B4GALT7: variants seen among roughly 807,000 people sequenced by gnomAD.
B4GALT7 encodes UDP-Gal:beta-GlcNAc beta-1,4-galactosyltransferase 7.
Under a neutral mutation model 33.0 loss-of-function variants are expected in B4GALT7, and 30 were observed. That is an observed-to-expected ratio of 0.91 (90% CI 0.68 to 1.23). The LOEUF (loss-of-function observed/expected upper bound fraction) is 1.23. B4GALT7 is among the 50% of genes most tolerant of loss of function. B4GALT7 has a pLI of 0.00. For missense variants in B4GALT7, 507 were observed against 450.8 expected (o/e 1.12, Z -1.13); for synonymous variants, 213 against 187.2 (o/e 1.14, Z -1.13).
rs552591152 is a variant in B4GALT7 at position 177,602,977 on chromosome 5, G to C, written c.51-1202G>C. Reference sequence around the variant, plus strand: ...AGCTCACTGCAACCTCCGCCTCCCAGATTCAAGCTATGCTTCTGCCTCAGC... The same window carrying C: ...AGCTCACTGCAACCTCCGCCTCCCACATTCAAGCTATGCTTCTGCCTCAGC... On this transcript the variant is annotated intron_variant, in intron 1 of 5. Coordinates refer to ENST00000029410, the MANE Select transcript of B4GALT7 (RefSeq NM_007255.3). The C allele has an allele frequency of 3.3e-5, 16 of 480,922 alleles. No homozygotes were observed. The South Asian group carries it at 1.4e-3, about 41-fold the overall frequency. 29.8% of individuals were successfully genotyped at this position (480,922 alleles called of 1,614,324 possible). A position where few individuals can be genotyped will look rare whatever the true frequency, so the allele number is the denominator to read the frequency against.
intron 1 of B4GALT7, chr5:177,601,530 G>A (rs1180763646): frequency 1.3e-5 from 2 of 152,264 alleles, no homozygotes; most frequent in Non-Finnish European, 2.9e-5. Flanking sequence ...TCTATTTCCT[G>A]ATCCTTTTCC....
chr5:177,604,552 C>G lies in B4GALT7; in HGVS notation c.413+11C>G. 3.1e-6 allele frequency: 5 copies of G among 1,613,544 alleles called. No homozygotes were observed. The highest frequency in any genetic ancestry group is 4.2e-6 in the Non-Finnish European group (5 of 1,179,914). The stretch of plus-strand genomic sequence containing the variant: ...GGTGGACCACTTCAGGTAGCGCCCG[C>G]CCCCACCCTCTCCCCTCGGCACCCC... On this transcript the variant is annotated intron_variant, in intron 2 of 5. Coordinates refer to ENST00000029410, the MANE Select transcript of B4GALT7 (RefSeq NM_007255.3).
chr5:177,605,135 C>A (rs577966761), intron 2 of B4GALT7: 21 of 415,410 alleles, frequency 5.1e-5, no homozygotes, highest in African/African-American at 2.7e-4. Context: ...CAGACCCCCC[C>A]CTTTTCCCTG....
Position 177,608,889 on chromosome 5 carries a change from G to A in B4GALT7, c.724-21G>A, listed in dbSNP as rs527746954. On this transcript the variant is annotated intron_variant, in intron 4 of 5. Coordinates refer to ENST00000029410, the MANE Select transcript of B4GALT7 (RefSeq NM_007255.3). This position sits in a 1 kb window ranked among gnomAD's most constrained non-coding sequence, Gnocchi z 4.1. ...GCTCCAGGAAGGGCAGCCTGACCCC[G>A]ACTTCCTTGGACCTCCCTAGCTTTT... The A allele has an allele frequency of 2.5e-6, 4 of 1,605,888 alleles. No individual in the cohort carries two copies. The highest frequency in any genetic ancestry group is 2.2e-5 in the East Asian group (1 of 44,836).
chr5:177,605,107 C>T (rs1449115171), intron 2 of B4GALT7: 1 of 448,396 alleles, frequency 2.2e-6, no homozygotes, highest in Non-Finnish European at 4.5e-6. Context: ...CTTTTCAAGT[C>T]CCCTTGATCC....
At position 177,600,196 on chromosome 5, in the gene B4GALT7, C is replaced by A; in HGVS notation, c.-15C>A. The A allele has an allele frequency of 7.3e-7, 1 of 1,361,934 alleles. No individual in the cohort carries two copies. The highest frequency in any genetic ancestry group is 9.5e-7 in the Non-Finnish European group (1 of 1,051,022). 84.4% of individuals were successfully genotyped at this position (1,361,934 alleles called of 1,614,324 possible). A position where few individuals can be genotyped will look rare whatever the true frequency, so the allele number is the denominator to read the frequency against. ...CTGCGAGCGCCTGCCCCATGCGCCG[C>A]CGCCTCTCCGCACGATGTTCCCCTC... On this transcript the variant is annotated 5_prime_UTR_variant, in exon 1 of 6. Transcript: ENST00000029410. This position sits in a 1 kb window ranked among gnomAD's most constrained non-coding sequence, Gnocchi z 4.4.
Position 177,608,506 on chromosome 5 carries a change from T to C in B4GALT7, c.640-33T>C. The C allele has an allele frequency of 6.4e-7, 1 of 1,574,552 alleles. No homozygotes were observed. Among genetic ancestry groups the C allele is most frequent in the Non-Finnish European group, 8.7e-7 (1 of 1,148,174 alleles). ...CCAAAGGCCCCCCCCCCCGGGAAGA[T>C]GGGCCGAGTGACGCTGCTTGTCTCT... On this transcript the variant is annotated intron_variant, in intron 3 of 5. Transcript: ENST00000029410. The surrounding 1 kb of genome is among the most constrained non-coding windows in gnomAD (Gnocchi z 4.1).
At position 177,609,940 on chromosome 5, in the gene B4GALT7, A is replaced by AC. The variant is rs950760656; in HGVS notation, c.*252dup. ...GAGGCTGGGGTGTGTCCTGTCCGGG[A>AC]CCCCCCCTGCCTTCCTGCTCACCCT... is the stretch of plus-strand genomic sequence containing the variant. On this transcript the variant is annotated 3_prime_UTR_variant, in exon 6 of 6. Transcript: ENST00000029410. 2.4e-4 allele frequency: 137 copies of AC among 565,952 alleles called. No homozygotes were observed. The highest frequency in any genetic ancestry group is 1.9e-3 in the African/African-American group (102 of 53,028). The allele number at this position is 565,952 out of a possible 1,614,324, so 35.1% of individuals were successfully genotyped here.
chr5:177,606,950 TC>T lies in B4GALT7; in HGVS notation c.414-350del, dbSNP rs2127512996. The stretch of plus-strand genomic sequence containing the variant: ...GGCCCCACCGAGGACAAGAGCCACC[TC>T]CACCCCCAGCAAGATCGCCCTCCTT... On this transcript the variant is annotated intron_variant, in intron 2 of 5. Transcript: ENST00000029410. This position sits in a 1 kb window ranked among gnomAD's most constrained non-coding sequence, Gnocchi z 4.2. The T allele has an allele frequency of 2.6e-6, 1 of 385,842 alleles. No homozygotes were observed. Among genetic ancestry groups the T allele is most frequent in the Non-Finnish European group, 5.0e-6 (1 of 200,248 alleles). 23.9% of individuals were successfully genotyped at this position (385,842 alleles called of 1,614,324 possible).
intron 2 of B4GALT7, chr5:177,604,974 C>G (rs918037477): frequency 2.0e-5 from 9 of 456,810 alleles, no homozygotes; most frequent in Admixed American, 1.4e-4. Context: ...CCTGCCCTTA[C>G]CAAAAAGTGC....
rs147839986 is a variant in B4GALT7 at position 177,606,626 on chromosome 5, G to A, written c.414-676G>A. On this transcript the variant is annotated intron_variant, in intron 2 of 5. Transcript: ENST00000029410. The surrounding 1 kb of genome is among the most constrained non-coding windows in gnomAD (Gnocchi z 4.2). The stretch of plus-strand genomic sequence containing the variant: ...TCTCTTCCAGCACAACAGCTAGGGC[G>A]GTCCTGTCCAGGCATAAGTCACAGC... The A allele has an allele frequency of 1.3e-3, 210 of 158,128 alleles. 2 individuals carry two copies. The highest frequency in any genetic ancestry group is 4.5e-3 in the African/African-American group (186 of 41,586). The allele number at this position is 158,128 out of a possible 1,614,324, so 9.8% of individuals were successfully genotyped here. A position where few individuals can be genotyped will look rare whatever the true frequency, so the allele number is the denominator to read the frequency against.
At chr5:177,602,926 A>C (rs1561813440) in intron 1 of B4GALT7, 1 of 818,858 alleles carries the variant, frequency 1.2e-6, no homozygotes, top group Non-Finnish European at 1.5e-6. Context: ...TCTGTTGCCC[A>C]GGCTGGAGTG....
chr5:177,603,023 T>C (rs1767884358), intron 1 of B4GALT7: 1 of 332,316 alleles, frequency 3.0e-6, no homozygotes, highest in South Asian at 1.2e-4. Context: ...GCTGGGACTA[T>C]AGGCGCGTAC....
At chr5:177,604,994 T>C in intron 2 of B4GALT7, 1 of 456,342 alleles carries the variant, frequency 2.2e-6, no homozygotes. Flanking sequence ...CTCCCTTCCA[T>C]GACCACAGCC....
chr5:177,608,379 G>A lies in B4GALT7; in HGVS notation c.640-160G>A, dbSNP rs764607298. The A allele has an allele frequency of 2.3e-5, 15 of 642,308 alleles. No homozygotes were observed. The South Asian group carries it at 2.4e-4, about 10-fold the overall frequency. The allele number at this position is 642,308 out of a possible 1,614,324, so 39.8% of individuals were successfully genotyped here. A position where few individuals can be genotyped will look rare whatever the true frequency, so the allele number is the denominator to read the frequency against. On this transcript the variant is annotated intron_variant, in intron 3 of 5. Transcript: ENST00000029410. The surrounding 1 kb of genome is among the most constrained non-coding windows in gnomAD (Gnocchi z 4.1). ...GAGAACGGGAGAGGGCCCGGGACGC[G>A]CTGCTTCCTGCCGCCCGCACTGCAG...
Position 177,608,432 on chromosome 5 carries a change from G to A in B4GALT7, c.640-107G>A. On this transcript the variant is annotated intron_variant, in intron 3 of 5. Coordinates refer to ENST00000029410, the MANE Select transcript of B4GALT7 (RefSeq NM_007255.3). The surrounding 1 kb of genome is among the most constrained non-coding windows in gnomAD (Gnocchi z 4.1). ...GTGCAGGAGCCTGCAAGCACCCGGG[G>A]CTTATTCAGAGGCGCTGGGGGAGAG... The A allele has an allele frequency of 9.9e-7, 1 of 1,008,944 alleles. No individual in the cohort carries two copies. Among genetic ancestry groups the A allele is most frequent in the Non-Finnish European group, 1.6e-6 (1 of 644,158 alleles). 62.5% of individuals were successfully genotyped at this position (1,008,944 alleles called of 1,614,324 possible).
chr5:177,605,367 T>C, intron 2 of B4GALT7: 1 of 255,410 alleles, frequency 3.9e-6, no homozygotes, highest in South Asian at 4.2e-5. Flanking sequence ...CCCATGCCGA[T>C]GATGCCCCTG....
At position 177,605,128 on chromosome 5, in the gene B4GALT7, AC is replaced by A. The variant is rs562399785; in HGVS notation, c.413+595del. On this transcript the variant is annotated intron_variant, in intron 2 of 5. Transcript: ENST00000029410. ...AAGTCCCCTTGATCCAGATCCCCAG[AC>A]CCCCCCCTTTTCCCTGCCACCCTTC... The A allele has an allele frequency of 3.7e-4, 146 of 389,614 alleles. 1 individual carries two copies. Among genetic ancestry groups the A allele is most frequent in the South Asian group, 1.1e-3 (62 of 54,424 alleles). The allele number at this position is 389,614 out of a possible 1,614,324, so 24.1% of individuals were successfully genotyped here.
Position 177,600,236 on chromosome 5 carries a change from C to A in B4GALT7, c.26C>A (p.Ala9Glu). 1.4e-6 allele frequency: 2 copies of A among 1,396,196 alleles called. No homozygotes were observed. Among genetic ancestry groups the A allele is most frequent in the Admixed American group, 2.6e-5 (1 of 38,320 alleles). The allele number at this position is 1,396,196 out of a possible 1,614,324, so 86.5% of individuals were successfully genotyped here. A position where few individuals can be genotyped will look rare whatever the true frequency, so the allele number is the denominator to read the frequency against. ...ATGTTCCCCTCGCGGAGGAAAGCGG[C>A]GCAGCTGCCCTGGGAGGACGGCAGG... MFPSRRKAAQLPWEDGRSG... is the reference protein window; with the variant it reads MFPSRRKAEQLPWEDGRSG... The change falls in exon 1 of 6, where the codon GCG becomes GAG. Residue 9 changes from alanine to glutamate, a missense_variant. Ala to Glu is a moderately radical substitution (Grantham distance 107). Coordinates refer to ENST00000029410, the MANE Select transcript of B4GALT7 (RefSeq NM_007255.3). The surrounding 1 kb of genome is among the most constrained non-coding windows in gnomAD (Gnocchi z 4.4).
Sources: allele counts gnomAD v4.1 joint callset, GRCh38; gene constraint gnomAD v4.1.1; non-coding constraint Gnocchi (gnomAD v3.1); transcripts MANE v1.5; gene names NCBI Gene and HGNC (gene_info 2026-07-23, HGNC 2026-07-21).